The following RABGAP1L variants were observed in gnomAD, a reference collection of about 807,000 sequenced individuals.
RABGAP1L encodes RAB GTPase activating protein 1 like, also known as rab GTPase-activating protein 1-like.
Under a neutral mutation model 137.7 loss-of-function variants are expected in RABGAP1L, and 63 were observed. The ratio of observed to expected loss-of-function variants is 0.46; its 90% CI spans 0.37 to 0.56. RABGAP1L has a LOEUF of 0.56. Ranked by LOEUF, RABGAP1L falls within the 20% of genes least tolerant of loss-of-function variation. The pLI, the probability that RABGAP1L is intolerant of heterozygous loss-of-function variation, is 0.00. For synonymous variants in RABGAP1L, 431 were observed against 433.7 expected (o/e 0.99, Z 0.08); for missense variants, 1,095 against 1,244.0 (o/e 0.88, Z 1.80).
chr1:174,450,301 C>A (rs1214764884), intron 13 of RABGAP1L, among the ~76,000 whole-genome samples: 1 of 152,002 alleles, frequency 6.6e-6, no homozygotes, highest in Non-Finnish European at 1.5e-5. Flanking sequence ...CTGTTGTGTC[C>A]ACTAGTCAGT....
intron 13 of RABGAP1L, among the ~76,000 whole-genome samples, chr1:174,623,865 C>G (rs547994674): frequency 1.3e-5 from 2 of 152,306 alleles, no homozygotes; most frequent in South Asian, 4.1e-4. Context: ...TCACCTATTA[C>G]TAGCCAGTGG....
intron 13 of RABGAP1L, among the ~76,000 whole-genome samples, chr1:174,526,491 TTTTA>T (rs1663886793): frequency 6.6e-6 from 1 of 152,168 alleles, no homozygotes; most frequent in African/African-American, 2.4e-5. Context: ...TTGGGAGACA[TTTTA>T]ATTATTGCTT....
chr1:174,268,546 C>T (rs867925272), intron 7 of RABGAP1L, among the ~76,000 whole-genome samples: 2 of 151,992 alleles, frequency 1.3e-5, no homozygotes, highest in Admixed American at 6.6e-5. Flanking sequence ...AGCAAGAGAG[C>T]GTGTTCTTTT....
Position 174,489,674 on chromosome 1 carries a change from A to G in RABGAP1L, c.1710+95529A>G, listed in dbSNP as rs535905512. Among the ~76,000 whole-genome samples the G allele has an allele frequency of 4.3e-4, 65 of 152,308 alleles. 1 individual carries two copies. Among genetic ancestry groups the G allele is most frequent in the Middle Eastern group, 6.8e-3 (2 of 294 alleles). On this transcript the variant is annotated intron_variant, in intron 13 of 25. Transcript: ENST00000681986. ...TAGCATTTGACCCAGCCATCCCATT[A>G]CTGGGTATATACCCAAAGGATTATA...
chr1:174,509,956 G>A (rs1378494522), intron 13 of RABGAP1L, among the ~76,000 whole-genome samples: 1 of 152,124 alleles, frequency 6.6e-6, no homozygotes, highest in Non-Finnish European at 1.5e-5. Context: ...TGCTGAGGTT[G>A]AGGCCCACAT....
chr1:174,421,887 T>G (rs145068883), intron 13 of RABGAP1L, among the ~76,000 whole-genome samples: 31 of 152,188 alleles, frequency 2.0e-4, no homozygotes, highest in African/African-American at 7.2e-4. Flanking sequence ...TCCTGCCTTA[T>G]CCTCCTGAGT....
Position 174,448,638 on chromosome 1 carries a change from C to T in RABGAP1L, c.1710+54493C>T, listed in dbSNP as rs138614960. On this transcript the variant is annotated intron_variant, in intron 13 of 25. Coordinates refer to ENST00000681986, the MANE Select transcript of RABGAP1L (RefSeq NM_001366446.1). The surrounding 1 kb of genome is among the most constrained non-coding windows in gnomAD (Gnocchi z 4.2). Reference sequence around the variant, plus strand: ...TACTCCTGCCTAATTTTCTTGCCTTCCTTTTTTGGCTGGGGGAAACCTGGT... The same window carrying T: ...TACTCCTGCCTAATTTTCTTGCCTTTCTTTTTTGGCTGGGGGAAACCTGGT... The T allele has an allele frequency of 6.2e-7, 1 of 1,613,836 alleles. No individual in the cohort carries two copies. The highest frequency in any genetic ancestry group is 8.5e-7 in the Non-Finnish European group (1 of 1,179,776).
chr1:174,563,675 G>T (rs1667373541), intron 13 of RABGAP1L, among the ~76,000 whole-genome samples: 1 of 152,172 alleles, frequency 6.6e-6, no homozygotes, highest in African/African-American at 2.4e-5. Flanking sequence ...ACAAAGGTGT[G>T]AATGTGTAAT....
chr1:174,949,326 G>A (rs925840955), intron 19 of RABGAP1L, among the ~76,000 whole-genome samples: 2 of 152,234 alleles, frequency 1.3e-5, no homozygotes, highest in Non-Finnish European at 2.9e-5. Context: ...AACATGGGGA[G>A]TCCACTTTGG....
At chr1:174,327,980 C>CATACATATATATATATATATATAT (rs1171437559) in intron 11 of RABGAP1L, among the ~76,000 whole-genome samples, 1 of 105,940 alleles carries the variant, frequency 9.4e-6, no homozygotes, top group African/African-American at 4.1e-5. Flanking sequence ...TATATATATA[C>CATACATATATATATATATATATAT]ACACACATAT....
At chr1:174,595,522 G>T (rs1669814175) in intron 13 of RABGAP1L, among the ~76,000 whole-genome samples, 2 of 103,626 alleles carry the variant, frequency 1.9e-5, no homozygotes, top group Non-Finnish European at 3.8e-5. Flanking sequence ...GTGATGTACA[G>T]ATGGGTTTTC....
In RABGAP1L at chr1:174,275,953, A is replaced by T. The variant is rs1274981103; in HGVS notation, c.1156+18A>T. The T allele has an allele frequency of 6.3e-7, 1 of 1,581,146 alleles. No homozygotes were observed. The highest frequency in any genetic ancestry group is 1.7e-5 in the Admixed American group (1 of 59,338). On this transcript the variant is annotated intron_variant, in intron 9 of 25. Transcript: ENST00000681986. The stretch of plus-strand genomic sequence containing the variant: ...CCCAAAAGGTGACTTTTCTTAAAAG[A>T]TCCCTTATTGTTTGCTTTACATTTT...
chr1:174,831,669 T>C lies in RABGAP1L; in HGVS notation c.2340+19709T>C, dbSNP rs566737378. ...AGATTCTTTCTATGGATAATATATT[T>C]AGACTCATCTTAATGTAAATTTTTC... On this transcript the variant is annotated intron_variant, in intron 19 of 25. Transcript: ENST00000681986. Among the ~76,000 whole-genome samples the C allele has an allele frequency of 1.3e-5, 2 of 148,586 alleles. 1 individual carries two copies. Among genetic ancestry groups the C allele is most frequent in the African/African-American group, 4.9e-5 (2 of 40,786 alleles).
rs1278236295 is a variant in RABGAP1L at position 174,875,804 on chromosome 1, G to GA, written c.2340+63851dup. ...AGTCAGAGTCAGGATAAATGTGCAGGAAAAAAATGTTAACGAAAATAATGC... is the reference window on the plus strand; with the variant it reads ...AGTCAGAGTCAGGATAAATGTGCAGGAAAAAAAATGTTAACGAAAATAATGC... On this transcript the variant is annotated intron_variant, in intron 19 of 25. Coordinates refer to ENST00000681986, the MANE Select transcript of RABGAP1L (RefSeq NM_001366446.1). The GA allele has an allele frequency of 5.4e-6, 4 of 740,930 alleles. No individual in the cohort carries two copies. In the East Asian group the frequency reaches 5.2e-4, roughly 97 times the overall value. 45.9% of individuals were successfully genotyped at this position (740,930 alleles called of 1,614,324 possible). A position where few individuals can be genotyped will look rare whatever the true frequency, so the allele number is the denominator to read the frequency against.
At chr1:174,315,554 T>A (rs1405901766) in intron 11 of RABGAP1L, among the ~76,000 whole-genome samples, 1 of 152,100 alleles carries the variant, frequency 6.6e-6, no homozygotes, top group Admixed American at 6.6e-5. Context: ...TTTCTGATCT[T>A]CTTTCTTCCC....
intron 13 of RABGAP1L, among the ~76,000 whole-genome samples, chr1:174,524,338 A>T (rs938720473): frequency 4.6e-5 from 7 of 151,940 alleles, no homozygotes; most frequent in African/African-American, 1.7e-4. Context: ...TTTTAATAAT[A>T]GCCATTCTAC....
chr1:174,982,095 G>C (rs1462998381), intron 23 of RABGAP1L, among the ~76,000 whole-genome samples: 1 of 152,118 alleles, frequency 6.6e-6, no homozygotes, highest in African/African-American at 2.4e-5. Context: ...GTTTTAGTCT[G>C]TATTATTTTC....
chr1:174,824,094 A>G (rs1329374648), intron 19 of RABGAP1L, among the ~76,000 whole-genome samples: 1 of 152,142 alleles, frequency 6.6e-6, no homozygotes, highest in Non-Finnish European at 1.5e-5. Flanking sequence ...GTTCGAGACC[A>G]GCTTGGCCAA....
At chr1:174,906,487 G>T (rs1476299404) in intron 19 of RABGAP1L, among the ~76,000 whole-genome samples, 2 of 152,056 alleles carry the variant, frequency 1.3e-5, no homozygotes, top group African/African-American at 2.4e-5. Context: ...AATTAGCGGG[G>T]TGTGGTGGCA....
Sources: allele counts gnomAD v4.1 joint callset (sites outside exome capture counted in the v4.1 genomes callset), GRCh38; gene constraint gnomAD v4.1.1; non-coding constraint Gnocchi (gnomAD v3.1); transcripts MANE v1.5; gene names NCBI Gene and HGNC (gene_info 2026-07-23, HGNC 2026-07-21).